PCDHA8: variants seen among roughly 807,000 people sequenced by gnomAD.
The protein encoded by PCDHA8 is protocadherin alpha-8.
A neutral mutation model predicts 61.8 loss-of-function variants in PCDHA8; 53 were observed. The ratio of observed to expected loss-of-function variants is 0.86; its 90% confidence interval spans 0.69 to 1.08. The LOEUF (loss-of-function observed/expected upper bound fraction) is 1.08, where lower values mean the gene tolerates loss of function less well. Among genes scored for constraint, PCDHA8 ranks in the 50% least tolerant of loss-of-function variants. The probability of loss-of-function intolerance (pLI) is 0.00; values close to 1 mark genes in which losing one functional copy is unlikely to be tolerated. For synonymous variants in PCDHA8, 618 were observed against 556.6 expected (o/e 1.11, Z -1.55); for missense variants, 1,293 against 1,245.0 (o/e 1.04, Z -0.58).
At chr5:140,853,355 C>G (rs1554146557) in intron 1 of PCDHA8, 1 of 981,160 alleles carries the variant, frequency 1.0e-6, no homozygotes, top group African/African-American at 1.8e-5. Context: ...CATGAACTCA[C>G]AGGGATCCAG....
At chr5:140,956,924 G>A (rs2095321295) in intron 1 of PCDHA8, among the ~76,000 whole-genome samples, 2 of 151,898 alleles carry the variant, frequency 1.3e-5, no homozygotes, top group Non-Finnish European at 2.9e-5. Flanking sequence ...TAATCTTGCT[G>A]GATATAGGAT....
At position 140,841,795 on chromosome 5, in the gene PCDHA8, C is replaced by G. The variant is rs2150322842; in HGVS notation, c.474C>G (p.Ser158=). ...PDSRFPLEGA[S]DADVGANSVL... ...CTCGGTTTCCGCTAGAGGGCGCGTC[C>G]GATGCAGATGTTGGAGCTAACTCCG... Residue 158 remains serine (S), a synonymous_variant, in exon 1 of 4, where the codon TCC becomes TCG. Coordinates refer to ENST00000531613, the MANE Select transcript of PCDHA8 (RefSeq NM_018911.3). The G allele has an allele frequency of 5.0e-6, 8 of 1,613,824 alleles. No homozygotes were observed. Among genetic ancestry groups the G allele is most frequent in the Non-Finnish European group, 6.8e-6 (8 of 1,179,856 alleles).
Position 140,848,453 on chromosome 5 carries a change from T to C in PCDHA8, c.2394+4738T>C. On this transcript the variant is annotated intron_variant, in intron 1 of 3. Transcript: ENST00000531613. ...CGAAATCAGATGATTTCTTCTAATT[T>C]GGAGGCAATTTTCACTAATTAGAAG... is the stretch of plus-strand genomic sequence containing the variant. 2.0e-6 allele frequency: 3 copies of C among 1,519,952 alleles called. 1 individual carries two copies. Among genetic ancestry groups the C allele is most frequent in the Non-Finnish European group, 2.7e-6 (3 of 1,116,942 alleles). The allele number at this position is 1,519,952 out of a possible 1,614,324, so 94.2% of individuals were successfully genotyped here. A position where few individuals can be genotyped will look rare whatever the true frequency, so the allele number is the denominator to read the frequency against.
chr5:140,925,106 G>GAA (rs1554202543), intron 1 of PCDHA8, among the ~76,000 whole-genome samples: 1 of 151,098 alleles, frequency 6.6e-6, no homozygotes, highest in African/African-American at 2.4e-5. Flanking sequence ...AGGAAGGAAG[G>GAA]AGGGAAGGAA....
chr5:140,917,164 G>C (rs155804), intron 1 of PCDHA8, among the ~76,000 whole-genome samples: 48,022 of 151,994 alleles, frequency 0.32, 7,940 homozygotes, highest in East Asian at 0.52. Context: ...TATGGGAGGG[G>C]TGATGGTGGT....
intron 1 of PCDHA8, chr5:140,870,744 C>T (rs1432638683): frequency 6.2e-7 from 1 of 1,613,474 alleles, no homozygotes; most frequent in Non-Finnish European, 8.5e-7. Context: ...TGAGCAGCAA[C>T]GTGACGCTGC....
chr5:140,863,469 G>T, intron 1 of PCDHA8: 3 of 498,172 alleles, frequency 6.0e-6, no homozygotes, highest in South Asian at 4.7e-5. Context: ...TTACTCTGGA[G>T]AGTCGCCTCC....
At chr5:140,850,520 G>T (rs782515896) in intron 1 of PCDHA8, 3 of 1,598,186 alleles carry the variant, frequency 1.9e-6, no homozygotes, top group South Asian at 1.1e-5. Context: ...GCGGCCAGGC[G>T]CCAAAGTCAT....
At chr5:140,880,068 A>G (rs2058226577) in intron 1 of PCDHA8, among the ~76,000 whole-genome samples, 1 of 152,252 alleles carries the variant, frequency 6.6e-6, no homozygotes, top group South Asian at 2.1e-4. Flanking sequence ...TTTGGGGACC[A>G]CAATTCAACC....
intron 1 of PCDHA8, among the ~76,000 whole-genome samples, chr5:140,905,903 G>A (rs2072195312): frequency 6.6e-6 from 1 of 152,184 alleles, no homozygotes; most frequent in African/African-American, 2.4e-5. Flanking sequence ...AAGCTGAGGA[G>A]CAAGGAATCC....
intron 1 of PCDHA8, chr5:140,883,711 C>T (rs1554179442): frequency 2.5e-6 from 4 of 1,613,576 alleles, no homozygotes; most frequent in Non-Finnish European, 3.4e-6. Flanking sequence ...CTGCTCAGGA[C>T]GCGGACGCAC....
chr5:140,874,318 T>A (rs1169216245), intron 1 of PCDHA8, among the ~76,000 whole-genome samples: 1 of 151,782 alleles, frequency 6.6e-6, no homozygotes, highest in African/African-American at 2.4e-5. Context: ...AGTTGTAGGA[T>A]CTTATCTGTT....
Position 140,848,921 on chromosome 5 carries a change from C to T in PCDHA8, c.2394+5206C>T. ...CAGCGACACAAAAGAATCTGTTCAT[C>T]GCGGAATCCAGGCCGCTTGACTCTC... On this transcript the variant is annotated intron_variant, in intron 1 of 3. Transcript: ENST00000531613. 3.7e-6 allele frequency: 6 copies of T among 1,607,754 alleles called. 1 individual carries two copies. Among genetic ancestry groups the T allele is most frequent in the Non-Finnish European group, 2.5e-6 (3 of 1,176,916 alleles).
At chr5:140,900,956 C>G (rs2068392622) in intron 1 of PCDHA8, among the ~76,000 whole-genome samples, 1 of 152,160 alleles carries the variant, frequency 6.6e-6, no homozygotes, top group African/African-American at 2.4e-5. Flanking sequence ...CTCTGATTAT[C>G]AGTGATGTTG....
chr5:140,929,257 C>G, intron 1 of PCDHA8: 2 of 1,612,972 alleles, frequency 1.2e-6, no homozygotes, highest in Admixed American at 3.3e-5. Flanking sequence ...TGGGGTAGGA[C>G]TGAATTTGCC....
chr5:140,862,787 A>G, intron 1 of PCDHA8: 1 of 578,112 alleles, frequency 1.7e-6, no homozygotes. Context: ...CCACTGGACT[A>G]CGAGGAGCTG....
intron 1 of PCDHA8, chr5:140,877,128 G>C (rs782052511): frequency 3.1e-6 from 5 of 1,613,762 alleles, no homozygotes; most frequent in Non-Finnish European, 4.2e-6. Flanking sequence ...TGACGCTGCA[G>C]GTGTTCGTGC....
In PCDHA8 at chr5:140,869,193, G is replaced by C. The variant is rs1215630740; in HGVS notation, c.2394+25478G>C. The C allele has an allele frequency of 1.9e-6, 3 of 1,614,040 alleles. No individual in the cohort carries two copies. In the African/African-American group the frequency reaches 4.0e-5, roughly 22 times the overall value. On this transcript the variant is annotated intron_variant, in intron 1 of 3. Transcript: ENST00000531613. Reference sequence around the variant, plus strand: ...AATTCTGGGAGGTGGGGAGCGGCCAGCTCCACTACTCCGTCTCGGAGGAGG... The same window carrying C: ...AATTCTGGGAGGTGGGGAGCGGCCACCTCCACTACTCCGTCTCGGAGGAGG...
chr5:140,877,260 G>A (rs1329010026), intron 1 of PCDHA8: 3 of 1,613,766 alleles, frequency 1.9e-6, no homozygotes, highest in African/African-American at 2.7e-5. Context: ...AAGTGCGCGC[G>A]GTGGACGCTG....
Sources: gnomAD v4.1 joint callset for allele counts (sites outside exome capture counted in the v4.1 genomes callset) on GRCh38, gnomAD v4.1.1 for gene constraint, MANE v1.5 for transcripts, NCBI Gene and HGNC (gene_info 2026-07-23, HGNC 2026-07-21) for gene names.